Variants in CNTN5 observed in about 807,000 individuals in gnomAD.
CNTN5 encodes contactin-5.
Under a neutral mutation model 129.1 loss-of-function variants are expected in CNTN5, and 77 were observed. The observed-to-expected ratio is 0.60, with a 90% confidence interval of 0.50 to 0.72. CNTN5 has a LOEUF of 0.72. Ranked by LOEUF, CNTN5 falls within the 30% of genes least tolerant of loss-of-function variation. The probability of loss-of-function intolerance (pLI) is 0.00; values close to 1 mark genes in which losing one functional copy is unlikely to be tolerated. For synonymous variants in CNTN5, 509 were observed against 465.6 expected (o/e 1.09, Z -1.20); for missense variants, 1,478 against 1,328.8 (o/e 1.11, Z -1.75).
In CNTN5 at chr11:100,021,350, A is replaced by C. The variant is rs542113265; in HGVS notation, c.980+19214A>C. 5.9e-5 allele frequency among the ~76,000 whole-genome samples: 9 copies of C among 152,302 alleles called. No homozygotes were observed. In the South Asian group the frequency reaches 6.2e-4, roughly 11 times the overall value. On this transcript the variant is annotated intron_variant, in intron 9 of 24. Coordinates refer to ENST00000524871, the MANE Select transcript of CNTN5 (RefSeq NM_014361.4). ...CTTAAGTTGGTTGAATGTGTTGCTCAAATCTTCTATATCTTTATTGATTTC... is the reference window on the plus strand; with the variant it reads ...CTTAAGTTGGTTGAATGTGTTGCTCCAATCTTCTATATCTTTATTGATTTC...
In CNTN5 at chr11:99,249,027, A is replaced by G. The variant is rs1291624789; in HGVS notation, c.-209-76319A>G. ...GAAAGTCATTTGTAGCTTGATGGGGATGGCATTGAGTCTATAAATTACCTT... is the reference window on the plus strand; with the variant it reads ...GAAAGTCATTTGTAGCTTGATGGGGGTGGCATTGAGTCTATAAATTACCTT... On this transcript the variant is annotated intron_variant, in intron 1 of 24. Transcript: ENST00000524871. 4.6e-5 allele frequency among the ~76,000 whole-genome samples: 7 copies of G among 152,008 alleles called. 1 individual carries two copies. Among genetic ancestry groups the G allele is most frequent in the Non-Finnish European group, 1.0e-4 (7 of 67,986 alleles).
chr11:100,259,939 T>A (rs930790601), intron 17 of CNTN5, among the ~76,000 whole-genome samples: 7 of 151,174 alleles, frequency 4.6e-5, no homozygotes, highest in African/African-American at 1.7e-4. Context: ...AAGAAATAAC[T>A]AAGACCACAA....
At chr11:99,252,510 A>G (rs917049927) in intron 1 of CNTN5, among the ~76,000 whole-genome samples, 6 of 151,892 alleles carry the variant, frequency 4.0e-5, no homozygotes, top group Non-Finnish European at 5.9e-5. Context: ...AAAAGAAAAA[A>G]ACATCTAATG....
At chr11:100,261,541 C>G (rs1950197357) in intron 17 of CNTN5, among the ~76,000 whole-genome samples, 1 of 152,166 alleles carries the variant, frequency 6.6e-6, no homozygotes, top group Non-Finnish European at 1.5e-5. Flanking sequence ...TACCTGAACT[C>G]AAATTCTACT....
chr11:99,798,626 T>G (rs1946022198), intron 3 of CNTN5, among the ~76,000 whole-genome samples: 1 of 152,150 alleles, frequency 6.6e-6, no homozygotes, highest in South Asian at 2.1e-4. Context: ...TTGATTTGTG[T>G]GTCTGTTTTT....
intron 13 of CNTN5, among the ~76,000 whole-genome samples, chr11:100,146,247 A>G (rs1442992481): frequency 2.0e-5 from 3 of 152,192 alleles, no homozygotes; most frequent in African/African-American, 2.4e-5. Flanking sequence ...TTCATTAAAT[A>G]TTAGAAGAAA....
At chr11:100,332,498 A>G (rs1229406298) in intron 21 of CNTN5, among the ~76,000 whole-genome samples, 2 of 152,140 alleles carry the variant, frequency 1.3e-5, no homozygotes, top group African/African-American at 4.8e-5. Context: ...AGCCAGTATC[A>G]TCCTAATACC....
chr11:99,950,750 G>A (rs1950655247), intron 7 of CNTN5, among the ~76,000 whole-genome samples: 1 of 152,166 alleles, frequency 6.6e-6, no homozygotes, highest in African/African-American at 2.4e-5. Context: ...CATTTAAGTG[G>A]CTTGTGTAAT....
intron 1 of CNTN5, among the ~76,000 whole-genome samples, chr11:99,282,822 G>C (rs1863759364): frequency 6.6e-6 from 1 of 152,014 alleles, no homozygotes; most frequent in Non-Finnish European, 1.5e-5. Context: ...TATTCCTTCA[G>C]CTCACAGTAA....
In CNTN5 at chr11:99,832,182, C is replaced by CT. The variant is rs1176015879; in HGVS notation, c.277+12418dup. 6.6e-5 allele frequency among the ~76,000 whole-genome samples: 10 copies of CT among 151,760 alleles called. No homozygotes were observed. The East Asian group carries it at 7.7e-4, about 12-fold the overall frequency. On this transcript the variant is annotated intron_variant, in intron 4 of 24. Coordinates refer to ENST00000524871, the MANE Select transcript of CNTN5 (RefSeq NM_014361.4). ...TTTTGTCTAACATCATTTCCATAGT[C>CT]TAAAAAAAAATCAAGTAATAAGTCA... is the stretch of plus-strand genomic sequence containing the variant.
intron 2 of CNTN5, among the ~76,000 whole-genome samples, chr11:99,533,745 G>T (rs1947799549): frequency 6.6e-6 from 1 of 152,200 alleles, no homozygotes; most frequent in African/African-American, 2.4e-5. Context: ...GGTAGACATT[G>T]CCAGCCAGCA....
intron 3 of CNTN5, among the ~76,000 whole-genome samples, chr11:99,801,736 C>G (rs1441670215): frequency 6.6e-6 from 1 of 152,072 alleles, no homozygotes; most frequent in Non-Finnish European, 1.5e-5. Flanking sequence ...TATTTCAATT[C>G]TATTTTGAAA....
At chr11:99,733,321 C>CA (rs35576351) in intron 3 of CNTN5, among the ~76,000 whole-genome samples, 2,883 of 95,988 alleles carry the variant, frequency 0.03, 39 homozygotes, top group South Asian at 0.093. Flanking sequence ...GATTCTGTCT[C>CA]AAAAAAAAAA....
In CNTN5 at chr11:99,870,897, C is replaced by T. The variant is rs1402458719; in HGVS notation, c.577+25635C>T. 2.6e-5 allele frequency among the ~76,000 whole-genome samples: 4 copies of T among 152,122 alleles called. No homozygotes were observed. In the South Asian group the frequency reaches 8.3e-4, roughly 32 times the overall value. On this transcript the variant is annotated intron_variant, in intron 6 of 24. Coordinates refer to ENST00000524871, the MANE Select transcript of CNTN5 (RefSeq NM_014361.4). Reference sequence around the variant, plus strand: ...TTTTGAGTTTCATAGCAATAACATACATTGAAAGCGAATATATTTATAGCC... The same window carrying T: ...TTTTGAGTTTCATAGCAATAACATATATTGAAAGCGAATATATTTATAGCC...
chr11:99,513,241 A>C (rs560679064), intron 2 of CNTN5, among the ~76,000 whole-genome samples: 1 of 152,306 alleles, frequency 6.6e-6, no homozygotes, highest in East Asian at 1.9e-4. Context: ...AGAGTTGAGG[A>C]AGCTGCAAAA....
chr11:100,285,848 G>A (rs1488004511), intron 18 of CNTN5, among the ~76,000 whole-genome samples: 2 of 152,204 alleles, frequency 1.3e-5, no homozygotes, highest in Non-Finnish European at 2.9e-5. Flanking sequence ...GAGGTACCGG[G>A]TTCATCTCAC....
intron 7 of CNTN5, among the ~76,000 whole-genome samples, chr11:99,930,739 T>A (rs1303540744): frequency 3.3e-5 from 5 of 151,582 alleles, no homozygotes; most frequent in Non-Finnish European, 7.4e-5. Flanking sequence ...AATTAAACAT[T>A]TAATGCTTCC....
At chr11:99,717,321 A>T (rs1433794421) in intron 3 of CNTN5, among the ~76,000 whole-genome samples, 1 of 152,098 alleles carries the variant, frequency 6.6e-6, no homozygotes, top group African/African-American at 2.4e-5. Flanking sequence ...ATTAATAATG[A>T]TCACAGACAC....
chr11:99,089,941 A>G (rs1229635268), intron 1 of CNTN5, among the ~76,000 whole-genome samples: 3 of 152,174 alleles, frequency 2.0e-5, no homozygotes, highest in Non-Finnish European at 4.4e-5. Context: ...TTTCCTAGCC[A>G]TTTATTCAGG....
Sources: allele counts gnomAD v4.1 joint callset (sites outside exome capture counted in the v4.1 genomes callset), GRCh38; gene constraint gnomAD v4.1.1; transcripts MANE v1.5; gene names NCBI Gene and HGNC (gene_info 2026-07-23, HGNC 2026-07-21).